MID1: variants seen among roughly 807,000 people sequenced by gnomAD.
MID1 encodes the protein midline 1.
Under a neutral mutation model 40.4 loss-of-function variants are expected in MID1, and 7 were observed. The observed-to-expected ratio is 0.17, with a 90% confidence interval of 0.10 to 0.33. The LOEUF (loss-of-function observed/expected upper bound fraction) is 0.33. Among genes scored for constraint, MID1 ranks in the 10% least tolerant of loss-of-function variants. The probability of loss-of-function intolerance (pLI) is 1.00; values close to 1 mark genes in which losing one functional copy is unlikely to be tolerated. For synonymous variants in MID1, 229 were observed against 221.2 expected, an observed-to-expected ratio of 1.04 and a Z score of -0.31; for missense variants, 367 against 558.5, an observed-to-expected ratio of 0.66 and a Z score of 3.46.
At chrX:10,816,351 C>T (rs1158362737) in intron 1 of MID1, among the ~76,000 whole-genome samples, 5 of 111,974 alleles carry the variant, frequency 4.5e-5, no homozygotes, top group Non-Finnish European at 9.4e-5. Flanking sequence ...AATGAAAATG[C>T]TCAGTTTGTG....
intron 8 of MID1, among the ~76,000 whole-genome samples, chrX:10,457,027 G>A (rs1315432129): frequency 8.1e-5 from 9 of 111,653 alleles, no homozygotes; most frequent in Non-Finnish European, 1.7e-4. Context: ...GATAAACTAT[G>A]AACTAAGACA....
At chrX:10,497,601 T>A (rs921140093) in intron 3 of MID1, among the ~76,000 whole-genome samples, 2 of 111,763 alleles carry the variant, frequency 1.8e-5, no homozygotes, top group African/African-American at 6.5e-5. Context: ...TGGCTGTAAA[T>A]CCCCACTGGT....
At chrX:10,452,632 A>AG (rs979176231) in intron 9 of MID1, among the ~76,000 whole-genome samples, 9 of 112,357 alleles carry the variant, frequency 8.0e-5, no homozygotes, top group African/African-American at 2.9e-4. Context: ...ATTTAATCGT[A>AG]GGGGGTGCCC....
intron 1 of MID1, among the ~76,000 whole-genome samples, chrX:10,685,542 G>C (rs2043089492): frequency 9.0e-6 from 1 of 111,542 alleles, no homozygotes; most frequent in African/African-American, 3.3e-5. Context: ...TTCCAGAGAG[G>C]GTCTTGCCTT....
upstream of MID1, among the ~76,000 whole-genome samples, chrX:10,621,460 C>T (rs1935933036): frequency 8.9e-6 from 1 of 112,112 alleles, no homozygotes; most frequent in African/African-American, 3.2e-5. Flanking sequence ...TAATGTAAAT[C>T]TACCTTCTGG....
At position 10,691,499 on chromosome X, in the gene MID1, G is replaced by A. The variant is rs1423906907; in HGVS notation, c.-186-71080C>T. The stretch of plus-strand genomic sequence containing the variant: ...TTACTGCAATCTCTGAACATAAATT[G>A]TGAAGATTTCATGGACATTTATCCC... On this transcript the variant is annotated intron_variant, in intron 1 of 10. Coordinates refer to the MID1 transcript ENST00000380785. 1.2e-4 allele frequency among the ~76,000 whole-genome samples: 13 copies of A among 112,187 alleles called. No homozygotes were observed. In the Admixed American group the frequency reaches 1.2e-3, roughly 11 times the overall value.
chrX:10,487,690 T>C (rs141882013), intron 4 of MID1, among the ~76,000 whole-genome samples: 7,675 of 111,342 alleles, frequency 0.069, 559 homozygotes, highest in African/African-American at 0.21. Context: ...ATTTGCTTTT[T>C]GTCACTGTAG....
intron 2 of MID1, among the ~76,000 whole-genome samples, chrX:10,523,476 G>T (rs920385539): frequency 8.9e-6 from 1 of 112,048 alleles, no homozygotes; most frequent in African/African-American, 3.2e-5. Context: ...TCACGACCTA[G>T]GAAGAAAGGA....
At chrX:10,484,360 A>G (rs1001296543) in intron 4 of MID1, among the ~76,000 whole-genome samples, 3 of 112,672 alleles carry the variant, frequency 2.7e-5, no homozygotes, top group African/African-American at 9.7e-5. Flanking sequence ...CATGACAACT[A>G]CTTATCCTTT....
At chrX:10,636,196 T>C (rs1936107624) in intron 1 of MID1, among the ~76,000 whole-genome samples, 1 of 111,808 alleles carries the variant, frequency 8.9e-6, no homozygotes, top group Non-Finnish European at 1.9e-5. Context: ...CCTTCAGAAA[T>C]GTTCTTTGAA....
At chrX:10,465,214 T>TACACAC (rs775197915) in intron 7 of MID1, among the ~76,000 whole-genome samples, 550 of 39,790 alleles carry the variant, frequency 0.014, 9 homozygotes, top group African/African-American at 0.031. Flanking sequence ...TATATATATA[T>TACACAC]ACACACACAC....
intron 3 of MID1, among the ~76,000 whole-genome samples, chrX:10,515,934 G>A (rs1191524173): frequency 1.8e-5 from 2 of 112,214 alleles, no homozygotes; most frequent in Non-Finnish European, 3.8e-5. Context: ...AATGGAAAGA[G>A]AAATGTGATG....
intron 1 of MID1, among the ~76,000 whole-genome samples, chrX:10,627,943 G>A: frequency 9.0e-6 from 1 of 111,593 alleles, no homozygotes; most frequent in Non-Finnish European, 1.9e-5. Context: ...TGCCAGGATG[G>A]TTGTGTTATT....
At chrX:10,483,975 G>A (rs950953274) in intron 4 of MID1, among the ~76,000 whole-genome samples, 3 of 112,110 alleles carry the variant, frequency 2.7e-5, no homozygotes, top group Non-Finnish European at 5.6e-5. Flanking sequence ...ATATAGGATC[G>A]TGAGCCTGGT....
rs185328786 is a variant in MID1 at position 10,665,312 on chromosome X, C to T, written c.-186-44893G>A. 3.3e-3 allele frequency among the ~76,000 whole-genome samples: 363 copies of T among 111,378 alleles called. 2 individuals are homozygous for T. Among genetic ancestry groups the T allele is most frequent in the African/African-American group, 0.011 (348 of 30,660 alleles). Reference sequence around the variant, plus strand: ...CCTCTAGACAGAGATTGATACAGACCCTGACTTTTAAAGCAAGCTGGGACA... The same window carrying T: ...CCTCTAGACAGAGATTGATACAGACTCTGACTTTTAAAGCAAGCTGGGACA... On this transcript the variant is annotated intron_variant, in intron 1 of 10. Transcript: ENST00000380785.
Position 10,456,745 on chromosome X carries a change from G to C in MID1, c.1448-1668C>G, listed in dbSNP as rs1012640051. ...CCAGCTACTTGGGAGGCTGAGCCAC[G>C]AGTATCACTTGAACCCGGGAGGCGG... is the stretch of plus-strand genomic sequence containing the variant. On this transcript the variant is annotated intron_variant, in intron 8 of 9. Transcript: ENST00000317552. Among the ~76,000 whole-genome samples, 2 of 111,787 alleles carry C rather than the reference G, an allele frequency of 1.8e-5. 1 individual carries two copies. Among genetic ancestry groups the C allele is most frequent in the Middle Eastern group, 8.4e-3 (2 of 238 alleles).
intron 1 of MID1, among the ~76,000 whole-genome samples, chrX:10,786,500 T>C (rs1302734027): frequency 2.7e-5 from 3 of 111,146 alleles, no homozygotes; most frequent in African/African-American, 9.8e-5. Context: ...ATCATGCTGG[T>C]ATAAAGACAC....
chrX:10,811,546 T>G (rs2044101911), intron 1 of MID1, among the ~76,000 whole-genome samples: 1 of 112,257 alleles, frequency 8.9e-6, no homozygotes, highest in Non-Finnish European at 1.9e-5. Flanking sequence ...TCAACAAATG[T>G]TTTTTGAAGA....
intron 1 of MID1, among the ~76,000 whole-genome samples, chrX:10,678,133 C>T (rs2043035229): frequency 9.0e-6 from 1 of 111,314 alleles, no homozygotes; most frequent in Non-Finnish European, 1.9e-5. Flanking sequence ...ATACTAATAT[C>T]TTTGTTATAC....
Sources: gnomAD v4.1 joint callset for allele counts (sites outside exome capture counted in the v4.1 genomes callset) on GRCh38, gnomAD v4.1.1 for gene constraint, MANE v1.5 for transcripts, NCBI Gene and HGNC (gene_info 2026-07-23, HGNC 2026-07-21) for gene names.